PVT1: variants seen among roughly 807,000 people sequenced by gnomAD.
PVT1 encodes the protein Pvt1 oncogene, also known as CXCR4/PVT1 fusion.
chr8:127,854,006 C>T (rs73710037), intron 2 of PVT1, among the ~76,000 whole-genome samples: 1 of 152,074 alleles, frequency 6.6e-6, no homozygotes, highest in Non-Finnish European at 1.5e-5. Context: ...GCCCCCAGCC[C>T]CACGTGCCAA....
chr8:127,872,847 C>G (rs1480169298), intron 2 of PVT1, among the ~76,000 whole-genome samples: 1 of 152,160 alleles, frequency 6.6e-6, no homozygotes, highest in African/African-American at 2.4e-5. Flanking sequence ...CACAGTGGTC[C>G]CTGGTCCTTT....
chr8:127,825,359 A>C (rs912374055), intron 2 of PVT1, among the ~76,000 whole-genome samples: 1 of 152,148 alleles, frequency 6.6e-6, no homozygotes, highest in Non-Finnish European at 1.5e-5. Context: ...ATTACACCAA[A>C]TATTTTTTCC....
chr8:127,937,069 G>T (rs1265159419), intron 3 of PVT1, among the ~76,000 whole-genome samples: 1 of 152,156 alleles, frequency 6.6e-6, no homozygotes, highest in Non-Finnish European at 1.5e-5. Flanking sequence ...AACCCCTCGG[G>T]CTTGCAGCCC....
intron 3 of PVT1, among the ~76,000 whole-genome samples, chr8:127,960,139 C>T (rs1297377676): frequency 6.6e-6 from 1 of 152,190 alleles, no homozygotes; most frequent in Non-Finnish European, 1.5e-5. Context: ...GCTTAGGCAG[C>T]CATTGTGGTG....
intron 2 of PVT1, among the ~76,000 whole-genome samples, chr8:127,883,844 T>C (rs1471207683): frequency 6.6e-6 from 1 of 152,090 alleles, no homozygotes; most frequent in East Asian, 1.9e-4. Context: ...CCCCTCAGTG[T>C]CCTCTGGGGA....
chr8:127,837,938 C>T (rs983218590), intron 2 of PVT1, among the ~76,000 whole-genome samples: 37 of 149,908 alleles, frequency 2.5e-4, no homozygotes, highest in Non-Finnish European at 4.7e-4. Context: ...ACTCTTGTTG[C>T]CCAGGCCGGA....
At chr8:127,960,367 A>G (rs1816625607) in intron 3 of PVT1, among the ~76,000 whole-genome samples, 1 of 152,100 alleles carries the variant, frequency 6.6e-6, no homozygotes, top group African/African-American at 2.4e-5. Flanking sequence ...TGCCTCCTGG[A>G]GGCCTGTAGA....
rs555358194 is a variant in PVT1 at position 128,049,162 on chromosome 8, C to T, written n.913-20998C>T. 32 of 531,162 alleles carry T rather than the reference C, an allele frequency of 6.0e-5. No individual in the cohort carries two copies. In the East Asian group the frequency reaches 1.7e-3, roughly 29 times the overall value. 32.9% of individuals were successfully genotyped at this position (531,162 alleles called of 1,614,324 possible). A position where few individuals can be genotyped will look rare whatever the true frequency, so the allele number is the denominator to read the frequency against. On this transcript the variant is annotated intron_variant and non_coding_transcript_variant, in intron 4 of 10. Coordinates refer to ENST00000651587, the Ensembl canonical transcript of PVT1. The stretch of plus-strand genomic sequence containing the variant: ...GCCAGGCCTCCATGTGCAGGGCTGG[C>T]AGGGAGGCTGGGAGGGGCTGGCTGG...
At chr8:128,017,714 G>A (rs2130047770) in intron 4 of PVT1, among the ~76,000 whole-genome samples, 1 of 152,182 alleles carries the variant, frequency 6.6e-6, no homozygotes, top group East Asian at 1.9e-4. Context: ...TGGAATTATA[G>A]GCGTGAGCCA....
chr8:127,819,722 C>T (rs1563613867), intron 2 of PVT1, among the ~76,000 whole-genome samples: 1 of 152,184 alleles, frequency 6.6e-6, no homozygotes, highest in Admixed American at 6.5e-5. Context: ...TGCAAGGTTA[C>T]CTGTGCCAGA....
intron 4 of PVT1, among the ~76,000 whole-genome samples, chr8:127,990,227 G>A (rs1817017508): frequency 6.6e-6 from 1 of 152,164 alleles, no homozygotes; most frequent in African/African-American, 2.4e-5. Context: ...CAGCGGGCTA[G>A]TGAAGGCATG....
At chr8:127,980,337 A>G (rs1816868925) in intron 3 of PVT1, among the ~76,000 whole-genome samples, 1 of 152,228 alleles carries the variant, frequency 6.6e-6, no homozygotes, top group African/African-American at 2.4e-5. Flanking sequence ...CATGTCAGTC[A>G]CGATTACTAC....
intron 2 of PVT1, among the ~76,000 whole-genome samples, chr8:127,850,821 C>G (rs1815099209): frequency 6.6e-6 from 1 of 152,048 alleles, no homozygotes; most frequent in Non-Finnish European, 1.5e-5. Flanking sequence ...GAGTTCAAGA[C>G]CAGCCTGGCC....
chr8:127,993,251 C>G (rs1586471759), intron 4 of PVT1, among the ~76,000 whole-genome samples: 1 of 152,234 alleles, frequency 6.6e-6, no homozygotes, highest in Non-Finnish European at 1.5e-5. Context: ...ACATCTTTCA[C>G]TGATCATACA....
At chr8:127,918,432 T>C (rs1586435516) in intron 3 of PVT1, among the ~76,000 whole-genome samples, 1 of 152,286 alleles carries the variant, frequency 6.6e-6, no homozygotes, top group South Asian at 2.1e-4. Flanking sequence ...GTGTCCTCAT[T>C]TGTCAGTGGG....
chr8:127,893,991 T>G (rs1357609358), intron 3 of PVT1, among the ~76,000 whole-genome samples: 1 of 152,358 alleles, frequency 6.6e-6, no homozygotes, highest in Non-Finnish European at 1.5e-5. Flanking sequence ...GCATTTCTAC[T>G]CGTGGTGCAG....
At chr8:128,024,570 C>T (rs959451833) in intron 4 of PVT1, among the ~76,000 whole-genome samples, 3 of 151,896 alleles carry the variant, frequency 2.0e-5, no homozygotes, top group African/African-American at 7.3e-5. Context: ...CAGGCTGCAG[C>T]AAGCCATGAT....
chr8:127,843,698 G>T (rs896378493), intron 2 of PVT1, among the ~76,000 whole-genome samples: 2 of 151,692 alleles, frequency 1.3e-5, no homozygotes, highest in Non-Finnish European at 2.9e-5. Context: ...ACCCTCTCCG[G>T]CCTCCCAAAG....
At chr8:127,955,895 T>A (rs1271242032) in intron 3 of PVT1, among the ~76,000 whole-genome samples, 1 of 152,228 alleles carries the variant, frequency 6.6e-6, no homozygotes, top group Non-Finnish European at 1.5e-5. Flanking sequence ...TAATATCATT[T>A]CTATTCTGCA....
Sources: gnomAD v4.1 joint callset for allele counts (sites outside exome capture counted in the v4.1 genomes callset) on GRCh38, gnomAD v4.1.1 for gene constraint, MANE v1.5 for transcripts, NCBI Gene and HGNC (gene_info 2026-07-23, HGNC 2026-07-21) for gene names.